The following CAPN2 variants were observed in gnomAD, a reference collection of about 807,000 sequenced individuals.
The protein encoded by CAPN2 is calpain 2.
A neutral mutation model predicts 102.3 loss-of-function variants in CAPN2; 92 were observed. The observed-to-expected ratio is 0.90, with a 90% CI of 0.76 to 1.07. CAPN2 has a LOEUF of 1.07. Ranked by LOEUF, CAPN2 falls within the 50% of genes least tolerant of loss-of-function variation. CAPN2 has a pLI of 0.00. For missense variants in CAPN2, 800 were observed against 909.4 expected, an observed-to-expected ratio of 0.88 and a Z score of 1.55; for synonymous variants, 340 against 355.4, an observed-to-expected ratio of 0.96 and a Z score of 0.49.
rs1419799767 is a variant in CAPN2 at position 223,755,950 on chromosome 1, G to A, written c.1305+301G>A. Among the ~76,000 whole-genome samples, 2 of 152,192 alleles carry A rather than the reference G, an allele frequency of 1.3e-5. No homozygotes were observed. Among genetic ancestry groups the A allele is most frequent in the Admixed American group, 1.3e-4 (2 of 15,288 alleles). On this transcript the variant is annotated intron_variant, in intron 10 of 20. Coordinates refer to ENST00000295006, the MANE Select transcript of CAPN2 (RefSeq NM_001748.5). This position sits in a 1 kb window ranked among gnomAD's most constrained non-coding sequence, Gnocchi z 4.1. ...TCACATCCTCCAGGCCTGGCATTCTGGTCAGCCTACCCATCTTCAAAGAAC... is the reference window on the plus strand; with the variant it reads ...TCACATCCTCCAGGCCTGGCATTCTAGTCAGCCTACCCATCTTCAAAGAAC...
At chr1:223,737,074 C>G (rs976583960) in intron 2 of CAPN2, among the ~76,000 whole-genome samples, 2 of 152,036 alleles carry the variant, frequency 1.3e-5, no homozygotes, top group Non-Finnish European at 2.9e-5. Flanking sequence ...GAAATTAAGA[C>G]CAGATGTAGG....
Position 223,774,973 on chromosome 1 carries a change from C to T in CAPN2, c.*116C>T, listed in dbSNP as rs767810176. 39 of 845,330 alleles carry T rather than the reference C, an allele frequency of 4.6e-5. No individual in the cohort carries two copies. The highest frequency in any genetic ancestry group is 2.3e-4 in the Middle Eastern group (1 of 4,380). 52.4% of individuals were successfully genotyped at this position (845,330 alleles called of 1,614,324 possible). On this transcript the variant is annotated 3_prime_UTR_variant, in exon 21 of 21. Coordinates refer to ENST00000295006, the MANE Select transcript of CAPN2 (RefSeq NM_001748.5). ...AAAATTATGGGAACATTTACTTAAA[C>T]GGATGATCATAGCTGAAAATAATGA...
rs199643396 is a variant in CAPN2 at position 223,770,520 on chromosome 1, A to C, written c.1898A>C (p.Glu633Ala). 6.3e-5 allele frequency: 101 copies of C among 1,611,242 alleles called. No individual in the cohort carries two copies. In the South Asian group the frequency reaches 8.2e-4, roughly 13 times the overall value. ...TATGAAATGCGGAAGGCATTAGAAG[A>C]AGCAGGTAACCCTTTATAACTGCAT... ...NSYEMRKALE[E>A]AGFKMPCQLH... Residue 633 changes from glutamate to alanine, a missense_variant, in exon 18 of 21, where the codon GAA (glutamate) becomes GCA (alanine). By Grantham distance (107) the Glu-to-Ala change is moderately radical. Coordinates refer to ENST00000295006, the MANE Select transcript of CAPN2 (RefSeq NM_001748.5).
At chr1:223,732,755 A>G (rs573646552) in intron 2 of CAPN2, among the ~76,000 whole-genome samples, 3 of 152,268 alleles carry the variant, frequency 2.0e-5, no homozygotes, top group Admixed American at 6.5e-5. Context: ...CCTCTGACAC[A>G]TGTTCAGAAA....
At chr1:223,738,524 C>A (rs539841034) in intron 2 of CAPN2, among the ~76,000 whole-genome samples, 59 of 152,300 alleles carry the variant, frequency 3.9e-4, no homozygotes, top group African/African-American at 1.4e-3. Context: ...CTTAAGAGGA[C>A]ATGGCATTTT....
rs544269480 is a variant in CAPN2, at chr1:223,725,130, C to T, written c.307+7299C>T. Among the ~76,000 whole-genome samples the T allele has an allele frequency of 6.6e-6, 1 of 152,266 alleles. No homozygotes were observed. Among genetic ancestry groups the T allele is most frequent in the African/African-American group, 2.4e-5 (1 of 41,542 alleles). ...ACTATCCTCTTCACACCTCAGTTTC[C>T]TCATCCGTGAAATGAAGATAATAAT... is the stretch of plus-strand genomic sequence containing the variant. On this transcript the variant is annotated intron_variant, in intron 2 of 20. Coordinates refer to ENST00000295006, the MANE Select transcript of CAPN2 (RefSeq NM_001748.5). This position sits in a 1 kb window ranked among gnomAD's most constrained non-coding sequence, Gnocchi z 4.1.
chr1:223,736,754 T>C (rs1358245542), intron 2 of CAPN2, among the ~76,000 whole-genome samples: 2 of 152,162 alleles, frequency 1.3e-5, no homozygotes, highest in Non-Finnish European at 2.9e-5. Context: ...CTTGTAGAAA[T>C]TAAGTCTAGG....
intron 17 of CAPN2, 86 bp downstream of exon 17, chr1:223,769,995 G>A: frequency 2.8e-6 from 3 of 1,052,680 alleles, no homozygotes; most frequent in South Asian, 2.7e-5. Context: ...GCACAGAGTG[G>A]AGAAACATTT....
At chr1:223,746,948 A>C (rs1251497499) in intron 4 of CAPN2, 49 bp from the exon 5 acceptor site, 1 of 1,533,976 alleles carries the variant, frequency 6.5e-7, no homozygotes, top group African/African-American at 1.4e-5. Context: ...GAGAGATTAT[A>C]GCATCAGTAG....
intron 2 of CAPN2, among the ~76,000 whole-genome samples, chr1:223,718,663 C>T (rs925519071): frequency 1.2e-4 from 18 of 152,218 alleles, no homozygotes; most frequent in Admixed American, 1.1e-3. Context: ...AATCTATTTT[C>T]TGCCATCAGC....
Position 223,746,990 on chromosome 1 carries a change from C to T in CAPN2, c.561-7C>T. On this transcript the variant is annotated splice_region_variant and splice_polypyrimidine_tract_variant and intron_variant, in intron 4 of 20. Transcript: ENST00000295006. ...GGGTAGCGGCAGCGTCTAATCCCCT[C>T]TTGTAGGATCAACGGATGCTATGAA... 1 of 1,612,536 alleles carries T rather than the reference C, an allele frequency of 6.2e-7. No individual in the cohort carries two copies. The highest frequency in any genetic ancestry group is 8.5e-7 in the Non-Finnish European group (1 of 1,178,942).
upstream of CAPN2, among the ~76,000 whole-genome samples, chr1:223,712,154 T>C (rs1659745341): frequency 6.6e-6 from 1 of 152,224 alleles, no homozygotes; most frequent in Non-Finnish European, 1.5e-5. Flanking sequence ...GTTAAGACGC[T>C]GTTTGGCACA....
chr1:223,757,323 T>C, intron 10 of CAPN2, 46 bp from the exon 11 acceptor site: 1 of 1,612,690 alleles, frequency 6.2e-7, no homozygotes, highest in Non-Finnish European at 8.5e-7. Flanking sequence ...TGCATTTTCT[T>C]ACACTGCTTT....
rs1661603959 is a variant in CAPN2, at chr1:223,775,754, C to T, written c.*897C>T. 6.6e-6 allele frequency: 1 copy of T among 152,582 alleles called. No homozygotes were observed. The highest frequency in any genetic ancestry group is 1.5e-5 in the Non-Finnish European group (1 of 68,024). 9.5% of individuals were successfully genotyped at this position (152,582 alleles called of 1,614,324 possible). ...TTCCTGGCTTTACCTTGGGAAAATGCTAGCAACATTATAGAAATTTTGCCT... is the reference window on the plus strand; with the variant it reads ...TTCCTGGCTTTACCTTGGGAAAATGTTAGCAACATTATAGAAATTTTGCCT... On this transcript the variant is annotated 3_prime_UTR_variant, in exon 21 of 21. Transcript: ENST00000295006.
In CAPN2 at chr1:223,769,928, G is replaced by A. The variant is rs1044385170; in HGVS notation, c.1824+19G>A. ...ATACCAAGTAAGATCCCAGAGATGCGGGTGGATCTGTGTTGGGAAACATTC... is the reference window on the plus strand; with the variant it reads ...ATACCAAGTAAGATCCCAGAGATGCAGGTGGATCTGTGTTGGGAAACATTC... On this transcript the variant is annotated intron_variant, in intron 17 of 20. Transcript: ENST00000295006. 9.6e-6 allele frequency: 15 copies of A among 1,561,846 alleles called. No individual in the cohort carries two copies. Among genetic ancestry groups the A allele is most frequent in the African/African-American group, 1.4e-5 (1 of 73,706 alleles).
Position 223,752,933 on chromosome 1 carries a change from C to G in CAPN2, c.1112C>G (p.Ala371Gly), listed in dbSNP as rs145466296. The G allele has an allele frequency of 4.3e-6, 7 of 1,614,078 alleles. No individual in the cohort carries two copies. The highest frequency in any genetic ancestry group is 5.9e-6 in the Non-Finnish European group (7 of 1,180,006). Residue 371 changes from alanine to glycine, a missense_variant, in exon 9 of 21, where the codon GCG becomes GGG. Ala to Gly is a moderately conservative substitution (Grantham distance 60, BLOSUM62 0). Transcript: ENST00000295006. Reference protein sequence around the residue: ...MDGNWRRGSTAGGCRNYPNTF... With the variant: ...MDGNWRRGSTGGGCRNYPNTF... ...GGGAACTGGAGGCGGGGCTCCACCGCGGGAGGTTGCAGGAACTACCCGAGT... is the reference window on the plus strand; with the variant it reads ...GGGAACTGGAGGCGGGGCTCCACCGGGGGAGGTTGCAGGAACTACCCGAGT...
At chr1:223,708,258 A>G (rs1222577169), upstream of CAPN2, among the ~76,000 whole-genome samples, 1 of 152,192 alleles carries the variant, frequency 6.6e-6, no homozygotes, top group Non-Finnish European at 1.5e-5. Flanking sequence ...CCTGCCCATC[A>G]GGCAGCATGC....
chr1:223,752,390 A>T (rs1660925501), intron 8 of CAPN2, among the ~76,000 whole-genome samples: 1 of 152,126 alleles, frequency 6.6e-6, no homozygotes, highest in Middle Eastern at 3.2e-3. Context: ...GGTTCCGGAG[A>T]CTCATCCCAG....
At chr1:223,752,156 C>A in intron 8 of CAPN2, 85 bp downstream of exon 8, 4 of 950,838 alleles carry the variant, frequency 4.2e-6, no homozygotes, top group Non-Finnish European at 6.7e-6. Context: ...GAGTGTCGGC[C>A]AAAGTGAGTT....
Sources: allele counts gnomAD v4.1 joint callset (sites outside exome capture counted in the v4.1 genomes callset), GRCh38; gene constraint gnomAD v4.1.1; non-coding constraint Gnocchi (gnomAD v3.1); transcripts MANE v1.5; gene names NCBI Gene and HGNC (gene_info 2026-07-23, HGNC 2026-07-21).